The following LPIN1 variants were observed in gnomAD, a reference collection of about 807,000 sequenced individuals.
LPIN1 encodes lipin 1, also known as phosphatidate phosphatase LPIN1.
LPIN1 carries 71 observed loss-of-function variants against 107.5 expected under a neutral mutation model. The observed-to-expected ratio is 0.66, with a 90% CI of 0.55 to 0.80. The LOEUF (loss-of-function observed/expected upper bound fraction) is 0.80. Ranked by LOEUF, LPIN1 falls within the 30% of genes least tolerant of loss-of-function variation. LPIN1 has a pLI of 0.00. For missense variants in LPIN1, 1,043 were observed against 1,160.6 expected, an observed-to-expected ratio of 0.90 and a Z score of 1.47; for synonymous variants, 445 against 452.6, an observed-to-expected ratio of 0.98 and a Z score of 0.21.
At chr2:11,800,984 G>T (rs968026546) in intron 14 of LPIN1, among the ~76,000 whole-genome samples, 2 of 152,202 alleles carry the variant, frequency 1.3e-5, no homozygotes, top group Non-Finnish European at 2.9e-5. Flanking sequence ...GGCAGTAGCT[G>T]TTGAGTGTGA....
At chr2:11,767,424 G>A (rs895294389) in intron 2 of LPIN1, 24 of 318,116 alleles carry the variant, frequency 7.5e-5, no homozygotes, top group South Asian at 1.5e-4. Context: ...AGGTGGTCTC[G>A]GAGGAATCTT....
chr2:11,759,047 A>G (rs1669103369), intron 1 of LPIN1, among the ~76,000 whole-genome samples: 1 of 152,258 alleles, frequency 6.6e-6, no homozygotes, highest in African/African-American at 2.4e-5. Context: ...CACTCAGGCC[A>G]ATGCGCCCCC....
At chr2:11,751,897 T>C (rs1667853386) in intron 1 of LPIN1, among the ~76,000 whole-genome samples, 2 of 152,132 alleles carry the variant, frequency 1.3e-5, no homozygotes, top group Admixed American at 1.3e-4. Context: ...TGGGTCCATA[T>C]TATAAGTATT....
intron 1 of LPIN1, among the ~76,000 whole-genome samples, chr2:11,755,867 G>A (rs999938008): frequency 4.6e-5 from 7 of 151,864 alleles, no homozygotes; most frequent in Admixed American, 2.0e-4. Flanking sequence ...GACTACAGGT[G>A]CGTGCCACTG....
In LPIN1 at chr2:11,785,143, C is replaced by T. The variant is rs569511624; in HGVS notation, c.1549+67C>T. The T allele has an allele frequency of 1.1e-3, 1,441 of 1,260,106 alleles. 4 individuals are homozygous for T. The highest frequency in any genetic ancestry group is 1.2e-3 in the Non-Finnish European group (1,081 of 933,300). 78.1% of individuals were successfully genotyped at this position (1,260,106 alleles called of 1,614,324 possible). A position where few individuals can be genotyped will look rare whatever the true frequency, so the allele number is the denominator to read the frequency against. ...TCAGAAGGCGCAGAGGCTTAGGCTT[C>T]TCCAAGGAGTGCGTGTCAAGGCAGC... On this transcript the variant is annotated intron_variant, in intron 10 of 20. Coordinates refer to ENST00000674199, the MANE Select transcript of LPIN1 (RefSeq NM_001349206.2).
intron 1 of LPIN1, among the ~76,000 whole-genome samples, chr2:11,764,882 T>C (rs569374222): frequency 5.3e-5 from 8 of 152,236 alleles, no homozygotes; most frequent in East Asian, 1.9e-4. Context: ...AAGGACAATA[T>C]AAAAAAGCTT....
chr2:11,784,669 G>A, intron 9 of LPIN1: 1 of 631,356 alleles, frequency 1.6e-6, no homozygotes, highest in Non-Finnish European at 2.9e-6. Context: ...GGGGGATACA[G>A]GGAGATGCAG....
At chr2:11,808,123 CT>C (rs1679029178) in intron 17 of LPIN1, among the ~76,000 whole-genome samples, 2 of 152,200 alleles carry the variant, frequency 1.3e-5, no homozygotes, top group Admixed American at 1.3e-4. Flanking sequence ...AGGCCACAAT[CT>C]GTGACCCTAG....
chr2:11,740,539 C>G (rs1290370400), intron 1 of LPIN1, among the ~76,000 whole-genome samples: 2 of 151,506 alleles, frequency 1.3e-5, no homozygotes, highest in Non-Finnish European at 2.9e-5. Context: ...CAAAAATTAG[C>G]TGGGTGTGGT....
chr2:11,687,865 AGTCTCT>A (rs1192688176), intron 1 of LPIN1, among the ~76,000 whole-genome samples: 1 of 152,238 alleles, frequency 6.6e-6, no homozygotes, highest in Non-Finnish European at 1.5e-5. Flanking sequence ...GCCGCAGCTA[AGTCTCT>A]GCAGTTTATG....
intron 1 of LPIN1, among the ~76,000 whole-genome samples, chr2:11,763,987 G>GTGTATA (rs1359205019): frequency 2.3e-5 from 3 of 132,926 alleles, no homozygotes; most frequent in African/African-American, 9.2e-5. Context: ...GTGTGTGTGT[G>GTGTATA]TATATATATA....
chr2:11,763,999 A>G (rs559509324), intron 1 of LPIN1, among the ~76,000 whole-genome samples: 6,162 of 115,102 alleles, frequency 0.054, 173 homozygotes, highest in Non-Finnish European at 0.065. Flanking sequence ...ATATATATAT[A>G]TATATATTTG....
Position 11,771,792 on chromosome 2 carries a change from C to T in LPIN1, c.596+113C>T. 8.7e-7 allele frequency: 1 copy of T among 1,148,396 alleles called. No homozygotes were observed. The highest frequency in any genetic ancestry group is 1.2e-6 in the Non-Finnish European group (1 of 812,648). The allele number at this position is 1,148,396 out of a possible 1,614,324, so 71.1% of individuals were successfully genotyped here. The stretch of plus-strand genomic sequence containing the variant: ...CCTTATTCTTTTATGTGTTTTAGAC[C>T]AGTGGTCCCCAACCTTTTTGGCACT... On this transcript the variant is annotated intron_variant, in intron 4 of 20. Coordinates refer to ENST00000674199, the MANE Select transcript of LPIN1 (RefSeq NM_001349206.2). The surrounding 1 kb of genome is among the most constrained non-coding windows in gnomAD (Gnocchi z 4.8).
chr2:11,756,493 A>G (rs534384553), intron 1 of LPIN1, among the ~76,000 whole-genome samples: 2 of 152,188 alleles, frequency 1.3e-5, no homozygotes, highest in Admixed American at 1.3e-4. Flanking sequence ...GGTTCAAGCA[A>G]TTCTCCTGCC....
chr2:11,808,703 A>G (rs993097578), intron 17 of LPIN1, among the ~76,000 whole-genome samples: 12 of 151,936 alleles, frequency 7.9e-5, no homozygotes, highest in Admixed American at 7.2e-4. Context: ...CTGAAACCCC[A>G]TCTCTACTAA....
At chr2:11,789,386 C>A (rs375194778) in intron 12 of LPIN1, among the ~76,000 whole-genome samples, 1 of 151,106 alleles carries the variant, frequency 6.6e-6, no homozygotes, top group Non-Finnish European at 1.5e-5. Context: ...TGTGTGCATG[C>A]GGGTATGTGT....
chr2:11,755,313 G>A (rs991572493), intron 1 of LPIN1, among the ~76,000 whole-genome samples: 3 of 151,996 alleles, frequency 2.0e-5, no homozygotes, highest in East Asian at 1.9e-4. Context: ...CTCGTGCCCC[G>A]ACTTGCCAAG....
At chr2:11,737,842 T>C (rs1257425851) in intron 1 of LPIN1, among the ~76,000 whole-genome samples, 1 of 152,202 alleles carries the variant, frequency 6.6e-6, no homozygotes, top group African/African-American at 2.4e-5. Flanking sequence ...TCCTAAAGGA[T>C]CTAGAACCAG....
At chr2:11,782,968 A>G (rs1193179593) in intron 8 of LPIN1, among the ~76,000 whole-genome samples, 1 of 152,186 alleles carries the variant, frequency 6.6e-6, no homozygotes, top group Non-Finnish European at 1.5e-5. Context: ...CCCATAGAAT[A>G]TGTGCTGTCT....
Sources: allele counts gnomAD v4.1 joint callset (sites outside exome capture counted in the v4.1 genomes callset), GRCh38; gene constraint gnomAD v4.1.1; non-coding constraint Gnocchi (gnomAD v3.1); transcripts MANE v1.5; gene names NCBI Gene and HGNC (gene_info 2026-07-23, HGNC 2026-07-21).